CCSER1: variants seen among roughly 807,000 people sequenced by gnomAD.
CCSER1 encodes the protein serine-rich coiled-coil domain-containing protein 1.
In CCSER1, 41 loss-of-function variants were observed where a neutral mutation model predicts 82.0. That is an observed-to-expected ratio of 0.50 (90% CI 0.39 to 0.65). The LOEUF (loss-of-function observed/expected upper bound fraction) is 0.65. CCSER1 is among the 30% of genes least tolerant of loss of function. The pLI is 0.00. For missense variants in CCSER1, 1,119 were observed against 1,064.2 expected (o/e 1.05, Z -0.72); for synonymous variants, 414 against 383.9 (o/e 1.08, Z -0.92).
chr4:90,896,549 G>A (rs1376993759), intron 8 of CCSER1, among the ~76,000 whole-genome samples: 2 of 151,872 alleles, frequency 1.3e-5, no homozygotes, highest in South Asian at 2.1e-4. Context: ...AATCAGATAA[G>A]GTAAAGTTAG....
intron 1 of CCSER1, among the ~76,000 whole-genome samples, chr4:90,163,814 C>T (rs973058810): frequency 2.0e-5 from 3 of 152,106 alleles, no homozygotes; most frequent in African/African-American, 7.2e-5. Flanking sequence ...ATTGTACCAG[C>T]TGACTTTCTA....
chr4:90,652,150 G>A (rs1419793283), intron 6 of CCSER1, among the ~76,000 whole-genome samples: 1 of 151,948 alleles, frequency 6.6e-6, no homozygotes, highest in Non-Finnish European at 1.5e-5. Context: ...TTTTCCTGTA[G>A]CAATTTAATT....
chr4:90,192,324 C>T (rs1349579309), intron 1 of CCSER1, among the ~76,000 whole-genome samples: 3 of 152,156 alleles, frequency 2.0e-5, no homozygotes, highest in African/African-American at 4.8e-5. Flanking sequence ...CACCTGGTCC[C>T]TCCCACAACA....
Position 90,201,171 on chromosome 4 carries a change from A to G in CCSER1, c.-42+73340A>G, listed in dbSNP as rs141535964. ...CTGTTCCTTACCATTCCTAGGGCAAATATACACATTAAACTCTCATTTCAG... is the reference window on the plus strand; with the variant it reads ...CTGTTCCTTACCATTCCTAGGGCAAGTATACACATTAAACTCTCATTTCAG... On this transcript the variant is annotated intron_variant, in intron 1 of 10. Coordinates refer to ENST00000509176, the MANE Select transcript of CCSER1 (RefSeq NM_001145065.2). 8.8e-4 allele frequency among the ~76,000 whole-genome samples: 134 copies of G among 152,318 alleles called. 1 individual carries two copies. Among genetic ancestry groups the G allele is most frequent in the Non-Finnish European group, 1.7e-3 (114 of 68,012 alleles).
intron 10 of CCSER1, among the ~76,000 whole-genome samples, chr4:91,541,687 T>C (rs1195384778): frequency 2.0e-5 from 3 of 152,174 alleles, no homozygotes; most frequent in African/African-American, 7.2e-5. Flanking sequence ...ACAATAAACA[T>C]ACGTGTGCAT....
chr4:90,568,344 A>G (rs1362628561), intron 5 of CCSER1, among the ~76,000 whole-genome samples: 1 of 152,146 alleles, frequency 6.6e-6, no homozygotes, highest in African/African-American at 2.4e-5. Context: ...TTTAATTGCT[A>G]TGCTGTTGGG....
chr4:90,629,181 G>T (rs1252319177), intron 6 of CCSER1, among the ~76,000 whole-genome samples: 1 of 152,072 alleles, frequency 6.6e-6, no homozygotes, highest in Non-Finnish European at 1.5e-5. Context: ...TACCACTGGA[G>T]GCTAGAATTG....
chr4:90,271,862 A>ATATTTTTT (rs1553982816), intron 1 of CCSER1, among the ~76,000 whole-genome samples: 1 of 21,762 alleles, frequency 4.6e-5, no homozygotes. Context: ...ATATATATAT[A>ATATTTTTT]TTTTTTTTTT....
intron 9 of CCSER1, among the ~76,000 whole-genome samples, chr4:90,965,861 AGAACTAAAC>A (rs754905810): frequency 3.9e-5 from 6 of 152,144 alleles, no homozygotes; most frequent in Non-Finnish European, 8.8e-5. Flanking sequence ...CCATGTCTAA[AGAACTAAAC>A]GAAAGTGCTT....
intron 1 of CCSER1, among the ~76,000 whole-genome samples, chr4:90,294,084 A>C (rs1731414655): frequency 6.6e-6 from 1 of 152,220 alleles, no homozygotes; most frequent in East Asian, 1.9e-4. Context: ...TCTAAGAGGC[A>C]GGAAATAGCT....
chr4:91,440,733 A>G (rs2149405086), intron 10 of CCSER1, among the ~76,000 whole-genome samples: 1 of 152,312 alleles, frequency 6.6e-6, no homozygotes, highest in Non-Finnish European at 1.5e-5. Context: ...CAAGACTAAT[A>G]AAGAAGAAAA....
At chr4:91,456,979 A>G (rs1422424203) in intron 10 of CCSER1, among the ~76,000 whole-genome samples, 2 of 152,146 alleles carry the variant, frequency 1.3e-5, no homozygotes, top group African/African-American at 4.8e-5. Context: ...CTGTGCTAAA[A>G]TTAAAATAAG....
chr4:91,107,535 A>T (rs1168843789), intron 10 of CCSER1, among the ~76,000 whole-genome samples: 1 of 152,118 alleles, frequency 6.6e-6, no homozygotes, highest in Non-Finnish European at 1.5e-5. Flanking sequence ...GATTACAGGC[A>T]TCAATGCATT....
At chr4:90,437,264 C>A (rs1169268074) in intron 4 of CCSER1, among the ~76,000 whole-genome samples, 1 of 150,364 alleles carries the variant, frequency 6.7e-6, no homozygotes, top group East Asian at 2.1e-4. Context: ...CGCACACATG[C>A]ACACATGCGC....
At chr4:91,587,465 T>C (rs1764054397) in intron 10 of CCSER1, among the ~76,000 whole-genome samples, 1 of 151,806 alleles carries the variant, frequency 6.6e-6, no homozygotes. Flanking sequence ...AGATCAGACA[T>C]ATATATGTTG....
intron 10 of CCSER1, among the ~76,000 whole-genome samples, chr4:91,344,377 G>A (rs1747915828): frequency 6.6e-6 from 1 of 152,020 alleles, no homozygotes; most frequent in East Asian, 1.9e-4. Context: ...TAAGACTTCG[G>A]CATAATAATT....
rs542433038 is a variant in CCSER1 at position 90,597,065 on chromosome 4, A to G, written c.1725-30960A>G. On this transcript the variant is annotated intron_variant, in intron 5 of 10. Transcript: ENST00000509176. ...TCAATCTATTAAGTTACAATTTCAA[A>G]AAGGCATTTTATAAAATGTAACGTA... 5.6e-4 allele frequency among the ~76,000 whole-genome samples: 85 copies of G among 152,154 alleles called. 1 individual carries two copies. The South Asian group carries it at 9.9e-3, about 18-fold the overall frequency.
At chr4:91,389,710 CAG>C (rs766085007) in intron 10 of CCSER1, among the ~76,000 whole-genome samples, 4 of 151,922 alleles carry the variant, frequency 2.6e-5, no homozygotes, top group Non-Finnish European at 4.4e-5. Context: ...TGTTCAGGAA[CAG>C]AGAATATCTG....
chr4:91,071,778 C>G (rs191675307), intron 9 of CCSER1, among the ~76,000 whole-genome samples: 5 of 152,080 alleles, frequency 3.3e-5, no homozygotes, highest in Admixed American at 3.3e-4. Context: ...TGTGACATAT[C>G]ACACATTAAG....
Sources: gnomAD v4.1 joint callset for allele counts (sites outside exome capture counted in the v4.1 genomes callset) on GRCh38, gnomAD v4.1.1 for gene constraint, MANE v1.5 for transcripts, NCBI Gene and HGNC (gene_info 2026-07-23, HGNC 2026-07-21) for gene names.